Variants in CUBN observed in about 807,000 individuals in gnomAD.
The protein encoded by CUBN is cubilin.
Under a neutral mutation model 405.3 loss-of-function variants are expected in CUBN, and 282 were observed. The ratio of observed to expected loss-of-function variants is 0.70; its 90% CI spans 0.63 to 0.77. The LOEUF is 0.77. CUBN is among the 30% of genes least tolerant of loss of function. The probability of loss-of-function intolerance (pLI) is 0.00; values close to 1 mark genes in which losing one functional copy is unlikely to be tolerated. For synonymous variants in CUBN, 1,684 were observed against 1,617.0 expected (o/e 1.04, Z -0.99); for missense variants, 4,514 against 4,475.2 (o/e 1.01, Z -0.25).
rs574821061 is a variant in CUBN at position 17,092,126 on chromosome 10, T to C, written c.1766-3781A>G. Among the ~76,000 whole-genome samples the C allele has an allele frequency of 2.0e-5, 3 of 152,282 alleles. No homozygotes were observed. In the East Asian group the frequency reaches 5.8e-4, roughly 29 times the overall value. The stretch of plus-strand genomic sequence containing the variant: ...CCCCTGACCCATAGGAAACAGACTG[T>C]AGCACCAACTGGCAGACTGTGGATA... On this transcript the variant is annotated intron_variant, in intron 14 of 66. Transcript: ENST00000377833.
At position 17,065,604 on chromosome 10, in the gene CUBN, T is replaced by G; in HGVS notation, c.3043A>C (p.Ser1015Arg). 6.2e-7 allele frequency: 1 copy of G among 1,613,634 alleles called. No homozygotes were observed. Among genetic ancestry groups the G allele is most frequent in the Non-Finnish European group, 8.5e-7 (1 of 1,179,624 alleles). The change falls in exon 22 of 67, where the codon AGC becomes CGC. Residue 1015 changes from serine to arginine, a missense_variant. Transcript: ENST00000377833. ...ACCAGCATCAATGAGTTACCACTGCTTGTGAGAGATGGCGGGATCGACTTT... is the reference window on the plus strand; with the variant it reads ...ACCAGCATCAATGAGTTACCACTGCGTGTGAGAGATGGCGGGATCGACTTT... ...CGKSIPPSLT[S>R]SGNSLMLVFV...
At chr10:16,828,742 A>C in intron 66 of CUBN, 63 bp downstream of exon 66, 2 of 1,316,392 alleles carry the variant, frequency 1.5e-6, no homozygotes, top group Admixed American at 3.4e-5. Context: ...AAAAGTCTAC[A>C]CTAAGTGACT....
rs138657710 is a variant in CUBN at position 17,022,419 on chromosome 10, T to TA, written c.4018-2437dup. Reference sequence around the variant, plus strand: ...TAGCTTCCTTTTTTTCTGTTTTTCGTACTGCTGCTTTGAATGTGTATATTT... The same window carrying TA: ...TAGCTTCCTTTTTTTCTGTTTTTCGTAACTGCTGCTTTGAATGTGTATATTT... On this transcript the variant is annotated intron_variant, in intron 27 of 66. Transcript: ENST00000377833. Among the ~76,000 whole-genome samples the TA allele has an allele frequency of 2.6e-3, 391 of 152,348 alleles. 10 individuals carry two copies. The East Asian group carries it at 0.062, about 24-fold the overall frequency.
intron 17 of CUBN, among the ~76,000 whole-genome samples, chr10:17,074,487 G>T (rs987778561): frequency 3.9e-4 from 59 of 152,162 alleles, no homozygotes; most frequent in African/African-American, 1.4e-3. Context: ...TCTGTTATTG[G>T]GTATAAAATC....
chr10:16,985,911 T>C (rs532661453), intron 29 of CUBN, among the ~76,000 whole-genome samples: 36 of 152,308 alleles, frequency 2.4e-4, no homozygotes, highest in African/African-American at 7.5e-4. Context: ...AAGAGTCTCC[T>C]TGGGCTCACG....
intron 27 of CUBN, among the ~76,000 whole-genome samples, chr10:17,025,138 T>C (rs56394372): frequency 0.26 from 40,275 of 152,054 alleles, 6,155 homozygotes; most frequent in East Asian, 0.4. Flanking sequence ...AAATAATTCA[T>C]CTGCTGTGAG....
chr10:16,937,587 C>T lies in CUBN; in HGVS notation c.5926+5G>A, dbSNP rs143301088. ...AAAAAGAACTTCATTTATTACCAAA[C>T]ACACCTGGAGCAATGGTAGGTAAAA... is the stretch of plus-strand genomic sequence containing the variant. On this transcript the variant is annotated splice_donor_5th_base_variant and intron_variant, in intron 39 of 66. Transcript: ENST00000377833. 241 of 1,613,324 alleles carry T rather than the reference C, an allele frequency of 1.5e-4. No homozygotes were observed. The Admixed American group carries it at 3.4e-3, about 23-fold the overall frequency.
intron 22 of CUBN, among the ~76,000 whole-genome samples, chr10:17,053,802 T>G (rs906500028): frequency 6.6e-6 from 1 of 152,114 alleles, no homozygotes; most frequent in Non-Finnish European, 1.5e-5. Context: ...TTCAGCAGCA[T>G]AGACCACATG....
chr10:16,927,499 T>G (rs1461086201), intron 41 of CUBN, among the ~76,000 whole-genome samples: 1 of 152,226 alleles, frequency 6.6e-6, no homozygotes, highest in East Asian at 1.9e-4. Context: ...TAGATTAATT[T>G]TTAATGTTAG....
At chr10:16,956,342 T>C (rs1008298020) in intron 31 of CUBN, among the ~76,000 whole-genome samples, 1 of 151,068 alleles carries the variant, frequency 6.6e-6, no homozygotes, top group Non-Finnish European at 1.5e-5. Flanking sequence ...TATATATATA[T>C]CTCCAATAAA....
intron 28 of CUBN, among the ~76,000 whole-genome samples, chr10:16,991,375 G>A (rs1476183139): frequency 7.0e-6 from 1 of 141,976 alleles, no homozygotes; most frequent in African/African-American, 2.6e-5. Flanking sequence ...GTTAATTGAT[G>A]CTAGGATACT....
intron 59 of CUBN, among the ~76,000 whole-genome samples, chr10:16,862,158 T>TCACACACA (rs796948941): frequency 2.8e-4 from 25 of 90,856 alleles, no homozygotes; most frequent in East Asian, 1.5e-3. Context: ...TCTCTCTCTC[T>TCACACACA]CTCACACACA....
chr10:16,842,511 C>CCT (rs369856568), intron 60 of CUBN, among the ~76,000 whole-genome samples: 3 of 151,014 alleles, frequency 2.0e-5, no homozygotes, highest in Non-Finnish European at 4.4e-5. Flanking sequence ...ATCTCTGATT[C>CCT]CTCTCTCTCT....
rs34859798 is a variant in CUBN at position 16,893,395 on chromosome 10, C to CGT, written c.8599-2870_8599-2869dup. On this transcript the variant is annotated intron_variant, in intron 54 of 66. Coordinates refer to ENST00000377833, the MANE Select transcript of CUBN (RefSeq NM_001081.4). ...TCAGTTTCCTAGTTTTACTTGAACT[C>CGT]GTGTGTGTGTGTGTGTGTGTGTGTG... is the stretch of plus-strand genomic sequence containing the variant. Among the ~76,000 whole-genome samples, 470 of 150,496 alleles carry CGT rather than the reference C, an allele frequency of 3.1e-3. 5 individuals are homozygous for CGT. Among genetic ancestry groups the CGT allele is most frequent in the African/African-American group, 9.7e-3 (395 of 40,904 alleles).
At position 16,973,668 on chromosome 10, in the gene CUBN, C is replaced by T. The variant is rs189124793; in HGVS notation, c.4695+8816G>A. ...GCTTCCAACCTCAAGTAGGCCCTGG[C>T]GCCTGTTGTTCCCTTCTTTGTGTCC... On this transcript the variant is annotated intron_variant, in intron 31 of 66. Transcript: ENST00000377833. 4.5e-4 allele frequency among the ~76,000 whole-genome samples: 68 copies of T among 152,252 alleles called. 1 individual carries two copies. Among genetic ancestry groups the T allele is most frequent in the South Asian group, 2.1e-4 (1 of 4,822 alleles).
chr10:16,920,584 A>C (rs183402607), intron 43 of CUBN, among the ~76,000 whole-genome samples: 2 of 152,324 alleles, frequency 1.3e-5, no homozygotes, highest in Admixed American at 1.3e-4. Flanking sequence ...CAACTCGGGG[A>C]GCATTCATTC....
chr10:17,100,236 G>A lies in CUBN; in HGVS notation c.1534C>T (p.Leu512=). 11 of 1,599,626 alleles carry A rather than the reference G, an allele frequency of 6.9e-6. No individual in the cohort carries two copies. Among genetic ancestry groups the A allele is most frequent in the Non-Finnish European group, 9.4e-6 (11 of 1,167,158 alleles). ...WVIKTEMGKV[L]RITFTFFRLE... is the part of the protein sequence containing the mutation. ...CGGAAAAAAGTGAAAGTGATACGCA[G>A]GACCTAAAAATACAAAGGCCACATA... is the stretch of plus-strand genomic sequence containing the variant. Residue 512 remains leucine (L), a synonymous_variant, in exon 14 of 67, where the codon CTG becomes TTG. Transcript: ENST00000377833.
intron 33 of CUBN, among the ~76,000 whole-genome samples, chr10:16,951,808 G>A (rs373140027): frequency 4.6e-5 from 7 of 152,160 alleles, no homozygotes; most frequent in South Asian, 2.1e-4. Flanking sequence ...ATAGGTGCGC[G>A]CATTGCATTC....
intron 27 of CUBN, among the ~76,000 whole-genome samples, chr10:17,026,930 T>C (rs1453879874): frequency 6.6e-6 from 1 of 152,120 alleles, no homozygotes. Flanking sequence ...ATATGAAATA[T>C]CATCTAAAAG....
Sources: allele counts gnomAD v4.1 joint callset (sites outside exome capture counted in the v4.1 genomes callset), GRCh38; gene constraint gnomAD v4.1.1; transcripts MANE v1.5; gene names NCBI Gene and HGNC (gene_info 2026-07-23, HGNC 2026-07-21).